SEC31B: variants seen among roughly 807,000 people sequenced by gnomAD.
SEC31B encodes the protein SEC31 homolog B, COPII component, also known as protein transport protein Sec31B.
SEC31B carries 113 observed loss-of-function variants against 135.0 expected under a neutral mutation model. That is an observed-to-expected ratio of 0.84 (90% CI 0.72 to 0.98). SEC31B has a LOEUF of 0.98. Among genes scored for constraint, SEC31B ranks in the 50% least tolerant of loss-of-function variants. The pLI is 0.00. For missense variants in SEC31B, 1,296 were observed against 1,421.1 expected, an observed-to-expected ratio of 0.91 and a Z score of 1.42; for synonymous variants, 508 against 549.4, an observed-to-expected ratio of 0.92 and a Z score of 1.05.
At chr10:100,489,044 A>G in intron 23 of SEC31B, 70 bp from the exon 24 acceptor site, 1 of 1,538,902 alleles carries the variant, frequency 6.5e-7, no homozygotes, top group Non-Finnish European at 8.7e-7. Flanking sequence ...CCTAAGGACT[A>G]GTCCCCAGTG....
chr10:100,500,590 A>T (rs1417343324), intron 11 of SEC31B, among the ~76,000 whole-genome samples: 5 of 152,056 alleles, frequency 3.3e-5, no homozygotes, highest in African/African-American at 1.2e-4. Flanking sequence ...TGCTGGGATT[A>T]CAGGCGTGAG....
chr10:100,499,766 A>G (rs1851481883), intron 11 of SEC31B, among the ~76,000 whole-genome samples, 168 bp from the exon 12 acceptor site: 1 of 152,224 alleles, frequency 6.6e-6, no homozygotes, highest in African/African-American at 2.4e-5. Context: ...GATCTGACTT[A>G]CTGATGGGCT....
chr10:100,487,484 C>T lies in SEC31B; in HGVS notation c.*132G>A. 1.2e-6 allele frequency: 1 copy of T among 864,476 alleles called. No individual in the cohort carries two copies. Among genetic ancestry groups the T allele is most frequent in the Non-Finnish European group, 1.8e-6 (1 of 565,234 alleles). 53.6% of individuals were successfully genotyped at this position (864,476 alleles called of 1,614,324 possible). A position where few individuals can be genotyped will look rare whatever the true frequency, so the allele number is the denominator to read the frequency against. The stretch of plus-strand genomic sequence containing the variant: ...CTCAGCTGGTTTGGAGCCAAGCCTA[C>T]AGCATCACATACCTGGCAGCAAGGA... On this transcript the variant is annotated 3_prime_UTR_variant, in exon 26 of 26. Transcript: ENST00000370345.
chr10:100,512,290 G>A (rs1851750461), intron 3 of SEC31B, among the ~76,000 whole-genome samples: 1 of 152,128 alleles, frequency 6.6e-6, no homozygotes, highest in African/African-American at 2.4e-5. Context: ...AGAGGGTAAG[G>A]TACAGCAGAC....
rs746877100 is a variant in SEC31B at position 100,496,296 on chromosome 10, C to T, written c.2272G>A (p.Ala758Thr). ...CTGGGTAGAAAGCTCATGGCAGTGGCCAGGCTGCCCTGGGCTGCCAGGAGG... is the reference window on the plus strand; with the variant it reads ...CTGGGTAGAAAGCTCATGGCAGTGGTCAGGCTGCCCTGGGCTGCCAGGAGG... ...ANLLAAQGSL[A>T]TAMSFLPRDC... Residue 758 changes from alanine (A) to threonine (T), a missense_variant, in exon 18 of 26, where the codon GCC becomes ACC. Coordinates refer to ENST00000370345, the MANE Select transcript of SEC31B (RefSeq NM_015490.4). 12 of 1,614,090 alleles carry T rather than the reference C, an allele frequency of 7.4e-6. No individual in the cohort carries two copies. The highest frequency in any genetic ancestry group is 1.6e-4 in the Middle Eastern group (1 of 6,084).
chr10:100,499,379 C>T, intron 12 of SEC31B, 121 bp from the exon 13 acceptor site: 1 of 1,114,616 alleles, frequency 9.0e-7, no homozygotes, highest in Admixed American at 2.2e-5. Context: ...CTATTTTTTT[C>T]TGAGAAAAAA....
At position 100,487,413 on chromosome 10, in the gene SEC31B, T is replaced by C; in HGVS notation, c.*203A>G. 1 of 591,712 alleles carries C rather than the reference T, an allele frequency of 1.7e-6. No homozygotes were observed. The allele number at this position is 591,712 out of a possible 1,614,324, so 36.7% of individuals were successfully genotyped here. A position where few individuals can be genotyped will look rare whatever the true frequency, so the allele number is the denominator to read the frequency against. ...CCTGCCTCCAGGCCTGAGAGTGTCT[T>C]GGACAGATCCTAGAAGGCCAGACAT... is the stretch of plus-strand genomic sequence containing the variant. On this transcript the variant is annotated 3_prime_UTR_variant, in exon 26 of 26. Transcript: ENST00000370345.
chr10:100,517,019 C>T lies in SEC31B; in HGVS notation c.-45-22G>A, dbSNP rs1851864093. The T allele has an allele frequency of 5.0e-6, 6 of 1,203,128 alleles. No homozygotes were observed. In the Admixed American group the frequency reaches 5.2e-5, roughly 10 times the overall value. 74.5% of individuals were successfully genotyped at this position (1,203,128 alleles called of 1,614,324 possible). A position where few individuals can be genotyped will look rare whatever the true frequency, so the allele number is the denominator to read the frequency against. On this transcript the variant is annotated intron_variant, in intron 1 of 25. Coordinates refer to ENST00000370345, the MANE Select transcript of SEC31B (RefSeq NM_015490.4). ...CCCACTGAAAATAGAAACCAGCAAA[C>T]TTAACAGCCAGATCCAGGGAGCATC... is the stretch of plus-strand genomic sequence containing the variant.
At chr10:100,516,373 C>T (rs916005453) in intron 2 of SEC31B, among the ~76,000 whole-genome samples, 154 bp from the exon 3 acceptor site, 1 of 152,104 alleles carries the variant, frequency 6.6e-6, no homozygotes, top group South Asian at 2.1e-4. Context: ...GTTGGCTGGG[C>T]GCGGTGGCTC....
intron 3 of SEC31B, among the ~76,000 whole-genome samples, chr10:100,514,078 G>A (rs1040683063): frequency 1.3e-5 from 2 of 151,878 alleles, no homozygotes; most frequent in Non-Finnish European, 2.9e-5. Context: ...CCAGCTACTC[G>A]GGAGGCTGAG....
intron 18 of SEC31B, among the ~76,000 whole-genome samples, chr10:100,495,840 C>G (rs570173699): frequency 5.3e-5 from 8 of 152,164 alleles, no homozygotes; most frequent in Non-Finnish European, 8.8e-5. Flanking sequence ...TGGACACCCC[C>G]GCTCTATACT....
chr10:100,509,017 G>C lies in SEC31B; in HGVS notation c.485C>G (p.Ser162Cys), dbSNP rs761564603. ...GGGGGTGCTGCTCACCTGTGACTTG[G>C]ATCCCAGGGTCATTGGCACATTCAA... ...NNLNVPMTLG[S>C]KSQQPPEDIK... is the part of the protein sequence containing the mutation. Residue 162 changes from serine to cysteine, a missense_variant, in exon 5 of 26, where the codon TCC becomes TGC. Physicochemically the swap from Ser to Cys is moderately radical, Grantham distance 112 (BLOSUM62 -1). Coordinates refer to ENST00000370345, the MANE Select transcript of SEC31B (RefSeq NM_015490.4). 8.7e-6 allele frequency: 14 copies of C among 1,613,282 alleles called. No individual in the cohort carries two copies. In the African/African-American group the frequency reaches 1.7e-4, roughly 20 times the overall value.
In SEC31B at chr10:100,506,035, C is replaced by T. The variant is rs763524264; in HGVS notation, c.1044+5G>A. On this transcript the variant is annotated splice_donor_5th_base_variant and intron_variant, in intron 9 of 25. Transcript: ENST00000370345. ...CTCCAGCATTCTCTACCAAGCCCTT[C>T]AAACCTTGTCAGCCTGTCTCATATG... 5.0e-6 allele frequency: 8 copies of T among 1,613,486 alleles called. No homozygotes were observed. The South Asian group carries it at 8.8e-5, about 18-fold the overall frequency.
chr10:100,511,259 G>A (rs765459755), intron 3 of SEC31B, among the ~76,000 whole-genome samples: 3 of 152,224 alleles, frequency 2.0e-5, no homozygotes, highest in East Asian at 1.9e-4. Flanking sequence ...TAAAGCTGGC[G>A]CCTGAATAGG....
At chr10:100,500,266 G>A in intron 11 of SEC31B, 1 of 451,060 alleles carries the variant, frequency 2.2e-6, no homozygotes, top group Non-Finnish European at 4.4e-6. Flanking sequence ...TCCTTCCGAG[G>A]AGACTGCTGC....
intron 18 of SEC31B, 21 bp from the exon 19 acceptor site, chr10:100,495,567 G>C: frequency 3.1e-6 from 5 of 1,605,092 alleles, no homozygotes; most frequent in Non-Finnish European, 4.3e-6. Context: ...TAATGAGGAA[G>C]AGCTGTGTCA....
intron 17 of SEC31B, 64 bp from the exon 18 acceptor site, chr10:100,496,495 G>A (rs760740552): frequency 5.5e-5 from 85 of 1,553,574 alleles, no homozygotes; most frequent in African/African-American, 1.9e-4. Flanking sequence ...CTAAGTCCAC[G>A]CAGCTCATTC....
At chr10:100,490,661 A>C in intron 20 of SEC31B, 45 bp downstream of exon 20, 1 of 1,500,700 alleles carries the variant, frequency 6.7e-7, no homozygotes, top group Non-Finnish European at 8.9e-7. Flanking sequence ...TGCTTTCCTG[A>C]GACCTCTGTG....
At chr10:100,503,407 A>AT (rs1483003433) in intron 10 of SEC31B, among the ~76,000 whole-genome samples, 8 of 151,366 alleles carry the variant, frequency 5.3e-5, no homozygotes, top group African/African-American at 1.7e-4. Context: ...TATTCAGGTT[A>AT]TTCCAATGTG....
Sources: gnomAD v4.1 joint callset for allele counts (sites outside exome capture counted in the v4.1 genomes callset) on GRCh38, gnomAD v4.1.1 for gene constraint, MANE v1.5 for transcripts, NCBI Gene and HGNC (gene_info 2026-07-23, HGNC 2026-07-21) for gene names.